SPPL3: variants seen among roughly 807,000 people sequenced by gnomAD.
SPPL3 encodes the protein signal peptide peptidase-like 3.
In SPPL3, 5 loss-of-function variants were observed where a neutral mutation model predicts 42.4. The observed-to-expected ratio is 0.12, with a 90% CI of 0.06 to 0.25. The LOEUF is 0.25. Among genes scored for constraint, SPPL3 ranks in the 10% least tolerant of loss-of-function variants. The pLI, the probability that SPPL3 is intolerant of heterozygous loss-of-function variation, is 1.00. For synonymous variants in SPPL3, 195 were observed against 181.8 expected, an observed-to-expected ratio of 1.07 and a Z score of -0.58; for missense variants, 235 against 489.0, an observed-to-expected ratio of 0.48 and a Z score of 4.90.
chr12:120,814,539 C>T (rs998174847), intron 1 of SPPL3, among the ~76,000 whole-genome samples: 2 of 152,126 alleles, frequency 1.3e-5, no homozygotes, highest in African/African-American at 2.4e-5. Context: ...TGCTGTGTGA[C>T]ATAATCTTTG....
At chr12:120,785,155 G>C (rs893416372) in intron 3 of SPPL3, among the ~76,000 whole-genome samples, 3 of 152,100 alleles carry the variant, frequency 2.0e-5, no homozygotes, top group Admixed American at 2.0e-4. Flanking sequence ...TGTAATCCCA[G>C]GACTTTGGGA....
At chr12:120,848,626 ATAAAT>A (rs1487167876) in intron 1 of SPPL3, among the ~76,000 whole-genome samples, 3 of 152,238 alleles carry the variant, frequency 2.0e-5, no homozygotes, top group South Asian at 4.1e-4. Flanking sequence ...CGATGGACTT[ATAAAT>A]TAATCTATAT....
Position 120,875,850 on chromosome 12 carries a change from A to C in SPPL3, c.23+27995T>G, listed in dbSNP as rs558364347. On this transcript the variant is annotated intron_variant, in intron 1 of 10. Transcript: ENST00000353487. Reference sequence around the variant, plus strand: ...TAAGATCCGGCCACATGCTATGTATAAGAAACATAGTTTAAATATAAATAC... The same window carrying C: ...TAAGATCCGGCCACATGCTATGTATCAGAAACATAGTTTAAATATAAATAC... 1.1e-4 allele frequency among the ~76,000 whole-genome samples: 16 copies of C among 152,356 alleles called. No homozygotes were observed. The South Asian group carries it at 3.3e-3, about 32-fold the overall frequency.
intron 1 of SPPL3, among the ~76,000 whole-genome samples, chr12:120,880,398 A>G (rs924742528): frequency 1.3e-5 from 2 of 152,122 alleles, no homozygotes; most frequent in Admixed American, 1.3e-4. Context: ...AACACACAAC[A>G]AAAGACAGAA....
At chr12:120,822,933 A>C (rs372825385) in intron 1 of SPPL3, among the ~76,000 whole-genome samples, 3 of 152,008 alleles carry the variant, frequency 2.0e-5, no homozygotes, top group East Asian at 3.9e-4. Flanking sequence ...CTAGCACTCC[A>C]TGATAAAGAC....
chr12:120,862,278 G>GT (rs1491335501), intron 1 of SPPL3, among the ~76,000 whole-genome samples: 3 of 152,096 alleles, frequency 2.0e-5, no homozygotes, highest in Non-Finnish European at 2.9e-5. Flanking sequence ...AAATGTGTGG[G>GT]TTTTTTCCAT....
chr12:120,826,062 G>C (rs972601506), intron 1 of SPPL3, among the ~76,000 whole-genome samples: 1 of 149,234 alleles, frequency 6.7e-6, no homozygotes, highest in Non-Finnish European at 1.5e-5. Flanking sequence ...GGGAGGCTGA[G>C]ACAGGAGGAT....
chr12:120,862,155 T>A (rs1452867182), intron 1 of SPPL3, among the ~76,000 whole-genome samples: 3 of 152,178 alleles, frequency 2.0e-5, no homozygotes, highest in Non-Finnish European at 4.4e-5. Flanking sequence ...ATATTAGACA[T>A]TGAAACTGTG....
intron 1 of SPPL3, among the ~76,000 whole-genome samples, chr12:120,826,132 AAAAATAC>A (rs201563083): frequency 0.042 from 6,317 of 152,014 alleles, 178 homozygotes; most frequent in South Asian, 0.11. Context: ...TGTCTCTACT[AAAAATAC>A]AAAATTAGCC....
At chr12:120,783,811 TAG>T in intron 4 of SPPL3, 59 bp from the exon 5 acceptor site, 1 of 1,483,086 alleles carries the variant, frequency 6.7e-7, no homozygotes, top group Non-Finnish European at 9.3e-7. Flanking sequence ...GCATGACTTA[TAG>T]AAACTTCATT....
intron 2 of SPPL3, among the ~76,000 whole-genome samples, chr12:120,793,393 G>C (rs1869987657): frequency 6.6e-6 from 1 of 152,200 alleles, no homozygotes; most frequent in Non-Finnish European, 1.5e-5. Context: ...CTACTCGCCA[G>C]GCTGAGGTAG....
At chr12:120,840,186 G>A (rs1437279741) in intron 1 of SPPL3, among the ~76,000 whole-genome samples, 3 of 147,058 alleles carry the variant, frequency 2.0e-5, no homozygotes, top group Non-Finnish European at 4.5e-5. Context: ...GCTGAAGCAG[G>A]AGAAATGCTT....
At chr12:120,768,653 A>G (rs1466211229) in intron 7 of SPPL3, 165 bp from the exon 8 acceptor site, 6 of 817,588 alleles carry the variant, frequency 7.3e-6, no homozygotes, top group African/African-American at 1.7e-5. Context: ...GTACTTGCCA[A>G]TTTCTGCACT....
At chr12:120,877,787 A>AAG in intron 1 of SPPL3, among the ~76,000 whole-genome samples, 1 of 150,032 alleles carries the variant, frequency 6.7e-6, no homozygotes, top group Non-Finnish European at 1.5e-5. Flanking sequence ...GTCTTAAAAA[A>AAG]AAAAAAGAAA....
At position 120,876,409 on chromosome 12, in the gene SPPL3, C is replaced by T. The variant is rs527508214; in HGVS notation, c.23+27436G>A. On this transcript the variant is annotated intron_variant, in intron 1 of 10. Transcript: ENST00000353487. ...CGGGCAGATCATGAGGTCAGGAGCT[C>T]GAGACCATCCTGACTAACACGGTGA... Among the ~76,000 whole-genome samples, 19 of 151,334 alleles carry T rather than the reference C, an allele frequency of 1.3e-4. No individual in the cohort carries two copies. In the South Asian group the frequency reaches 1.5e-3, roughly 12 times the overall value.
At chr12:120,806,312 C>T (rs2136997997) in intron 2 of SPPL3, among the ~76,000 whole-genome samples, 1 of 151,826 alleles carries the variant, frequency 6.6e-6, no homozygotes, top group South Asian at 2.1e-4. Flanking sequence ...GATCCTCCCA[C>T]CTTAGCTCGC....
rs554473316 is a variant in SPPL3 at position 120,780,860 on chromosome 12, A to G, written c.502+1795T>C. Among the ~76,000 whole-genome samples, 5 of 151,974 alleles carry G rather than the reference A, an allele frequency of 3.3e-5. No individual in the cohort carries two copies. The South Asian group carries it at 1.0e-3, about 32-fold the overall frequency. On this transcript the variant is annotated intron_variant, in intron 6 of 10. Transcript: ENST00000353487. ...GGGAGACGAAGGCTGCAGCGAGCCAAGATCACACCATTGCACTCCAGCCTG... is the reference window on the plus strand; with the variant it reads ...GGGAGACGAAGGCTGCAGCGAGCCAGGATCACACCATTGCACTCCAGCCTG...
At chr12:120,873,986 C>T (rs768596199) in intron 1 of SPPL3, among the ~76,000 whole-genome samples, 2 of 151,848 alleles carry the variant, frequency 1.3e-5, no homozygotes, top group South Asian at 2.1e-4. Flanking sequence ...ACTTCTTCAC[C>T]CAGTGATACA....
chr12:120,775,809 A>G (rs900545649), intron 6 of SPPL3, among the ~76,000 whole-genome samples: 2 of 152,230 alleles, frequency 1.3e-5, no homozygotes, highest in African/African-American at 4.8e-5. Flanking sequence ...CTTAATGTTA[A>G]TACTTCTTAG....
Sources: gnomAD v4.1 joint callset for allele counts (sites outside exome capture counted in the v4.1 genomes callset) on GRCh38, gnomAD v4.1.1 for gene constraint, MANE v1.5 for transcripts, NCBI Gene and HGNC (gene_info 2026-07-23, HGNC 2026-07-21) for gene names.